Variants in ANKMY1 observed in about 807,000 individuals in gnomAD.
The protein encoded by ANKMY1 is ankyrin repeat and MYND domain-containing protein 1.
A neutral mutation model predicts 102.0 loss-of-function variants in ANKMY1; 98 were observed. The observed-to-expected ratio is 0.96, with a 90% CI of 0.82 to 1.14. The LOEUF is 1.14. Ranked by LOEUF, ANKMY1 falls within the 50% of genes most tolerant of loss-of-function variation. The probability of loss-of-function intolerance (pLI) is 0.00; values close to 1 mark genes in which losing one functional copy is unlikely to be tolerated. For missense variants in ANKMY1, 1,330 were observed against 1,347.6 expected, an observed-to-expected ratio of 0.99 and a Z score of 0.20; for synonymous variants, 582 against 559.9, an observed-to-expected ratio of 1.04 and a Z score of -0.56.
chr2:240,519,109 G>A lies in ANKMY1; in HGVS notation c.2004+1253C>T, dbSNP rs376944984. 5.3e-5 allele frequency among the ~76,000 whole-genome samples: 8 copies of A among 152,352 alleles called. No homozygotes were observed. The East Asian group carries it at 1.2e-3, about 22-fold the overall frequency. On this transcript the variant is annotated intron_variant, in intron 9 of 17. Transcript: ENST00000401804. ...TACAAATAAATTTCACAGCCAAGTG[G>A]ACAGAAGCCCATCATGGGTCTGCAT... is the stretch of plus-strand genomic sequence containing the variant.
intron 15 of ANKMY1, among the ~76,000 whole-genome samples, chr2:240,484,150 T>C (rs543907095): frequency 1.9e-4 from 29 of 152,348 alleles, no homozygotes; most frequent in Admixed American, 7.2e-4. Context: ...AACATATGTG[T>C]ACATGTGTCT....
chr2:240,470,195 A>G, the ANKMY1 span, among the ~76,000 whole-genome samples: 1 of 152,196 alleles, frequency 6.6e-6, no homozygotes, highest in Non-Finnish European at 1.5e-5. Context: ...ACAGACGACT[A>G]ACTCCCACCT....
intron 4 of ANKMY1, among the ~76,000 whole-genome samples, chr2:240,539,573 A>AG (rs1375728689): frequency 1.3e-5 from 2 of 152,232 alleles, no homozygotes; most frequent in African/African-American, 4.8e-5. Flanking sequence ...CGGACACAAT[A>AG]GGATTATTCA....
rs1487641964 is a variant in ANKMY1, at chr2:240,482,233, C to T, written c.2835G>A (p.Lys945=). 6.2e-7 allele frequency: 1 copy of T among 1,612,970 alleles called. No homozygotes were observed. The highest frequency in any genetic ancestry group is 1.1e-5 in the South Asian group (1 of 90,780). ...CCCTGGGCAGGCTGGGGCCCTTCTT[C>T]TTCATCCTGTGGCTGGGGATCAGCT... is the stretch of plus-strand genomic sequence containing the variant. ...RAELIPSHRM[K]KKGPSLPRGL... is the part of the protein sequence containing the mutation. Residue 945 remains lysine, a synonymous_variant, in exon 16 of 18, where the codon AAG becomes AAA. Transcript: ENST00000401804.
chr2:240,519,002 AC>A lies in ANKMY1; in HGVS notation c.2004+1359del, dbSNP rs1356404796. On this transcript the variant is annotated intron_variant, in intron 9 of 17. Transcript: ENST00000401804. ...TGCCCAGAGAGAGCCATCAGCTCTC[AC>A]CCCATCAACACCCTGTGAAGAAGGT... Among the ~76,000 whole-genome samples the A allele has an allele frequency of 5.3e-5, 8 of 152,352 alleles. No homozygotes were observed. The East Asian group carries it at 5.8e-4, about 11-fold the overall frequency.
chr2:240,501,769 A>C (rs1459542914), intron 13 of ANKMY1, among the ~76,000 whole-genome samples: 1 of 152,228 alleles, frequency 6.6e-6, no homozygotes, highest in Non-Finnish European at 1.5e-5. Context: ...GCCTGGCCTG[A>C]ACGGCTGACT....
At chr2:240,544,093 T>C (rs1461351116) in intron 4 of ANKMY1, among the ~76,000 whole-genome samples, 1 of 152,162 alleles carries the variant, frequency 6.6e-6, no homozygotes, top group African/African-American at 2.4e-5. Flanking sequence ...TAAAAGGTTA[T>C]TCATGAAACA....
rs2077803706 is a variant in ANKMY1 at position 240,499,539 on chromosome 2, T to C, written c.2806+419A>G. ...TGTGGAGTGGGTGCATGTGGGGAGC[T>C]GGGGACATGTAGGGGTGTGCAGGAT... On this transcript the variant is annotated intron_variant, in intron 15 of 17. Coordinates refer to ENST00000401804, the MANE Select transcript of ANKMY1 (RefSeq NM_001282771.3). This position sits in a 1 kb window ranked among gnomAD's most constrained non-coding sequence, Gnocchi z 4.2. Among the ~76,000 whole-genome samples, 1 of 151,384 alleles carries C rather than the reference T, an allele frequency of 6.6e-6. No homozygotes were observed. Among genetic ancestry groups the C allele is most frequent in the African/African-American group, 2.4e-5 (1 of 41,062 alleles).
rs1466888155 is a variant in ANKMY1 at position 240,529,912 on chromosome 2, G to T, written c.481-403C>A. On this transcript the variant is annotated intron_variant, in intron 4 of 17. Coordinates refer to ENST00000401804, the MANE Select transcript of ANKMY1 (RefSeq NM_001282771.3). This position sits in a 1 kb window ranked among gnomAD's most constrained non-coding sequence, Gnocchi z 4.2. ...AGGAAGTATGCAGGCAGCAGGTCAG[G>T]TATGACCCAACAAGGGGCAGGAGAA... is the stretch of plus-strand genomic sequence containing the variant. Among the ~76,000 whole-genome samples, 5 of 152,116 alleles carry T rather than the reference G, an allele frequency of 3.3e-5. No individual in the cohort carries two copies. Among genetic ancestry groups the T allele is most frequent in the Non-Finnish European group, 7.4e-5 (5 of 68,018 alleles).
At chr2:240,477,035 G>A (rs1350330742), downstream of ANKMY1, among the ~76,000 whole-genome samples, 1 of 152,218 alleles carries the variant, frequency 6.6e-6, no homozygotes, top group Non-Finnish European at 1.5e-5. Context: ...GGGACCAGTG[G>A]AGGCCGGGCG....
rs377526714 is a variant in ANKMY1, at chr2:240,511,947, C to G, written c.2200G>C (p.Ala734Pro). ...KLSNEPGPPQ[A>P]YYSTDTALPE... is the part of the protein sequence containing the mutation. ...AGGGCTGTGTCCGTGCTGTAGTAGG[C>G]TTGGGGAGGGCCTGGCTCATTGCTG... The change falls in exon 11 of 18, where the codon GCC (alanine) becomes CCC (proline). Residue 734 changes from alanine (A) to proline (P), a missense_variant. Coordinates refer to ENST00000401804, the MANE Select transcript of ANKMY1 (RefSeq NM_001282771.3). The G allele has an allele frequency of 1.1e-5, 18 of 1,569,990 alleles. No individual in the cohort carries two copies. Among genetic ancestry groups the G allele is most frequent in the Non-Finnish European group, 1.5e-5 (17 of 1,165,938 alleles).
At chr2:240,510,020 C>G (rs2079845199) in intron 11 of ANKMY1, among the ~76,000 whole-genome samples, 1 of 144,732 alleles carries the variant, frequency 6.9e-6, no homozygotes, top group South Asian at 2.3e-4. Context: ...CCTCCTCCCC[C>G]GTCCCTGTCC....
chr2:240,469,771 T>C, the ANKMY1 span, among the ~76,000 whole-genome samples: 7 of 143,986 alleles, frequency 4.9e-5, no homozygotes, highest in Admixed American at 4.7e-4. Context: ...CGTCCTCACA[T>C]GCCCACATGC....
intron 15 of ANKMY1, among the ~76,000 whole-genome samples, chr2:240,492,344 C>A (rs913974374): frequency 3.3e-5 from 5 of 152,120 alleles, no homozygotes; most frequent in South Asian, 2.1e-4. Context: ...TTAAGGATAC[C>A]AATAATTTGC....
intron 12 of ANKMY1, among the ~76,000 whole-genome samples, chr2:240,508,723 GCAGATGCTCAGTAAATAA>G (rs2079537867): frequency 6.6e-6 from 1 of 152,094 alleles, no homozygotes; most frequent in Non-Finnish European, 1.5e-5. Context: ...CAGGTACGTA[GCAGATGCTCAGTAAATAA>G]CAGTTAAATG....
At chr2:240,470,423 G>A in the ANKMY1 span, among the ~76,000 whole-genome samples, 2 of 152,214 alleles carry the variant, frequency 1.3e-5, no homozygotes, top group Admixed American at 6.5e-5. Context: ...TGGATGAGCC[G>A]GAGGCAGTCA....
At chr2:240,502,180 C>A (rs1273613589) in intron 13 of ANKMY1, among the ~76,000 whole-genome samples, 3 of 151,612 alleles carry the variant, frequency 2.0e-5, no homozygotes, top group Non-Finnish European at 2.9e-5. Flanking sequence ...CCCCACCCCC[C>A]AAGTCTTGTC....
chr2:240,555,760 G>T (rs55904317), intron 2 of ANKMY1, among the ~76,000 whole-genome samples: 16,430 of 151,962 alleles, frequency 0.11, 1,169 homozygotes, highest in Non-Finnish European at 0.15. Flanking sequence ...ACCACAAAAG[G>T]CGTGGTGCCT....
intron 15 of ANKMY1, among the ~76,000 whole-genome samples, chr2:240,494,389 T>A (rs1211869189): frequency 1.3e-5 from 2 of 152,108 alleles, no homozygotes. Flanking sequence ...CACAACCAAG[T>A]CCCAGAAGCA....
Sources: allele counts gnomAD v4.1 joint callset (sites outside exome capture counted in the v4.1 genomes callset), GRCh38; gene constraint gnomAD v4.1.1; non-coding constraint Gnocchi (gnomAD v3.1); transcripts MANE v1.5; gene names NCBI Gene and HGNC (gene_info 2026-07-23, HGNC 2026-07-21).